Variants in LITAF observed in about 807,000 individuals in gnomAD.
LITAF encodes the protein lipopolysaccharide induced TNF factor.
LITAF carries 9 observed loss-of-function variants against 14.5 expected under a neutral mutation model. The ratio of observed to expected loss-of-function variants is 0.62; its 90% confidence interval spans 0.37 to 1.08. The LOEUF (loss-of-function observed/expected upper bound fraction) is 1.08. LITAF is among the 50% of genes least tolerant of loss of function. LITAF has a pLI of 0.01. For missense variants in LITAF, 206 were observed against 213.4 expected, an observed-to-expected ratio of 0.97 and a Z score of 0.22; for synonymous variants, 98 against 88.2, an observed-to-expected ratio of 1.11 and a Z score of -0.62.
At chr16:11,575,424 G>A (rs950916676) in intron 1 of LITAF, 4 of 152,302 alleles carry the variant, frequency 2.6e-5, no homozygotes, top group Non-Finnish European at 4.4e-5. Context: ...CGTGGGGCAG[G>A]TGAGTAGTGC....
Position 11,567,012 on chromosome 16 carries a change from CG to C in LITAF, c.-5-10278del, listed in dbSNP as rs1489879568. On this transcript the variant is annotated intron_variant, in intron 1 of 3. Coordinates refer to ENST00000622633, the MANE Select transcript of LITAF (RefSeq NM_001136472.2). Reference sequence around the variant, plus strand: ...CCAAATATGCTCAAGAACTGGAATCCGTGAATTGAGCCTGGAGTCCTTCATT... The same window carrying C: ...CCAAATATGCTCAAGAACTGGAATCCTGAATTGAGCCTGGAGTCCTTCATT... Among the ~76,000 whole-genome samples the C allele has an allele frequency of 8.5e-5, 13 of 152,168 alleles. No homozygotes were observed. In the South Asian group the frequency reaches 2.1e-3, roughly 24 times the overall value.
upstream of LITAF, among the ~76,000 whole-genome samples, chr16:11,638,044 A>ATATATC (rs2065148544): frequency 1.0e-5 from 1 of 95,258 alleles, no homozygotes; most frequent in South Asian, 3.0e-4. Context: ...ATATATATCT[A>ATATATC]TATATATATC....
intron 3 of LITAF, among the ~76,000 whole-genome samples, chr16:11,609,860 C>T (rs2064973442): frequency 6.6e-6 from 1 of 152,208 alleles, no homozygotes; most frequent in African/African-American, 2.4e-5. Flanking sequence ...ACCAGGCTTT[C>T]CTGGCCAGTG....
At chr16:11,587,433 ACT>A (rs565100167), upstream of LITAF, 913 of 451,060 alleles carry the variant, frequency 2.0e-3, 9 homozygotes, top group African/African-American at 0.017. Flanking sequence ...AGACCAAGAC[ACT>A]CTCTGTGCCT....
chr16:11,620,817 G>A (rs149417688), intron 3 of LITAF, among the ~76,000 whole-genome samples: 63 of 152,318 alleles, frequency 4.1e-4, no homozygotes, highest in African/African-American at 1.3e-3. Flanking sequence ...CAGGTGCAGC[G>A]GGCACTGTCA....
At chr16:11,613,207 T>G (rs1003833873) in intron 3 of LITAF, among the ~76,000 whole-genome samples, 1 of 151,888 alleles carries the variant, frequency 6.6e-6, no homozygotes, top group Non-Finnish European at 1.5e-5. Flanking sequence ...GCCTGGCTAG[T>G]TTTTGTATTT....
intron 3 of LITAF, among the ~76,000 whole-genome samples, chr16:11,630,162 G>C (rs887825821): frequency 3.3e-5 from 5 of 152,068 alleles, no homozygotes; most frequent in Admixed American, 6.6e-5. Context: ...GCGTTGGGGG[G>C]GCTCCAAACC....
chr16:11,630,251 G>A (rs2141905794), intron 3 of LITAF, among the ~76,000 whole-genome samples: 1 of 152,286 alleles, frequency 6.6e-6, no homozygotes, highest in East Asian at 1.9e-4. Flanking sequence ...CCCCCAGCTG[G>A]CATGACTGAT....
Position 11,553,600 on chromosome 16 carries a change from C to T in LITAF, c.310G>A (p.Val104Met), listed in dbSNP as rs373445989. 54 of 1,613,976 alleles carry T rather than the reference C, an allele frequency of 3.3e-5. No individual in the cohort carries two copies. Among genetic ancestry groups the T allele is most frequent in the Middle Eastern group, 3.3e-4 (2 of 6,084 alleles). ...MCCPSCNKMIVSQLSYNAGAL... is the reference protein window; with the variant it reads ...MCCPSCNKMIMSQLSYNAGAL... ...CCGGCGTTATAGGACAGCTGACTCACGATCATCTTGTTGCAGGAAGGACAA... is the reference window on the plus strand; with the variant it reads ...CCGGCGTTATAGGACAGCTGACTCATGATCATCTTGTTGCAGGAAGGACAA... Residue 104 changes from valine to methionine, a missense_variant, in exon 3 of 4, where the codon GTG (valine) becomes ATG (methionine). Physicochemically the swap from Val to Met is conservative, Grantham distance 21. Transcript: ENST00000622633. The surrounding 1 kb of genome is among the most constrained non-coding windows in gnomAD (Gnocchi z 7.7).
chr16:11,590,764 G>C (rs1404320037), upstream of LITAF, among the ~76,000 whole-genome samples: 2 of 117,428 alleles, frequency 1.7e-5, no homozygotes, highest in Non-Finnish European at 3.4e-5. Context: ...ATAGAGTCTC[G>C]TTCTGTTGCC....
rs2065129806 is a variant in LITAF, at chr16:11,634,259, T to C, written c.-20-622A>G. Among the ~76,000 whole-genome samples, 1 of 152,224 alleles carries C rather than the reference T, an allele frequency of 6.6e-6. No homozygotes were observed. Among genetic ancestry groups the C allele is most frequent in the African/African-American group, 2.4e-5 (1 of 41,452 alleles). On this transcript the variant is annotated intron_variant, in intron 2 of 3. Transcript: ENST00000574848. This position sits in a 1 kb window ranked among gnomAD's most constrained non-coding sequence, Gnocchi z 4.1. ...TTCACCTCCAAACTGCTCTTCATCA[T>C]TCCTGGACTTGGGCCAAACTAACTC...
At position 11,613,869 on chromosome 16, in the gene LITAF, G is replaced by A. The variant is rs143075200; in HGVS notation, c.85+19664C>T. Among the ~76,000 whole-genome samples the A allele has an allele frequency of 5.7e-3, 869 of 152,308 alleles. 11 individuals carry two copies. The highest frequency in any genetic ancestry group is 0.01 in the Middle Eastern group (3 of 294). On this transcript the variant is annotated intron_variant, in intron 3 of 3. Transcript: ENST00000574848. ...CCCTGCCACATGTTGTCAGATGACC[G>A]GGCGGGCCACTTCTCTCGCTGAATG...
In LITAF at chr16:11,553,874, T is replaced by A; in HGVS notation, c.221-185A>T. On this transcript the variant is annotated intron_variant, in intron 2 of 3. Transcript: ENST00000622633. The surrounding 1 kb of genome is among the most constrained non-coding windows in gnomAD (Gnocchi z 7.7). ...AAAGGGGAAGGAACACCAGTGTCCA[T>A]CGACGGACCAATAAACTAACACAGC... The A allele has an allele frequency of 1.6e-6, 1 of 626,436 alleles. No individual in the cohort carries two copies. The highest frequency in any genetic ancestry group is 2.9e-5 in the East Asian group (1 of 34,554). 38.8% of individuals were successfully genotyped at this position (626,436 alleles called of 1,614,324 possible). A position where few individuals can be genotyped will look rare whatever the true frequency, so the allele number is the denominator to read the frequency against.
upstream of LITAF, chr16:11,586,940 C>G (rs1276086562): frequency 6.6e-6 from 1 of 151,414 alleles, no homozygotes; most frequent in Non-Finnish European, 1.5e-5. The surrounding 1 kb of genome is among the most constrained non-coding windows in gnomAD (Gnocchi z 6.5). Flanking sequence ...CTCGGGCGCC[C>G]CGAGAAAAGG....
At chr16:11,581,073 C>CT (rs1357042714) in intron 1 of LITAF, among the ~76,000 whole-genome samples, 1 of 152,232 alleles carries the variant, frequency 6.6e-6, no homozygotes, top group East Asian at 1.9e-4. Flanking sequence ...CCGCTTATTC[C>CT]TTTTTCGTAG....
intron 3 of LITAF, among the ~76,000 whole-genome samples, chr16:11,627,721 G>C (rs1292120540): frequency 1.3e-5 from 2 of 152,208 alleles, no homozygotes; most frequent in African/African-American, 4.8e-5. Flanking sequence ...GTGCACGCCT[G>C]TAGCCCCAGC....
chr16:11,628,242 T>G (rs1162095318), intron 3 of LITAF, among the ~76,000 whole-genome samples: 1 of 152,086 alleles, frequency 6.6e-6, no homozygotes, highest in East Asian at 1.9e-4. Context: ...AGCCCTGAGG[T>G]TGGTGTGGCC....
Position 11,548,913 on chromosome 16 carries a change from A to G in LITAF, c.*724T>C, listed in dbSNP as rs1707827259. On this transcript the variant is annotated 3_prime_UTR_variant, in exon 4 of 4. Transcript: ENST00000622633. ...TACTCTATGAGAAAAAAATCCCTGT[A>G]TGGAAAGGGGCACTGAAGATCTGGC... is the stretch of plus-strand genomic sequence containing the variant. 2.2e-6 allele frequency: 1 copy of G among 454,068 alleles called. No homozygotes were observed. Among genetic ancestry groups the G allele is most frequent in the South Asian group, 1.6e-5 (1 of 64,474 alleles). 28.1% of individuals were successfully genotyped at this position (454,068 alleles called of 1,614,324 possible).
upstream of LITAF, among the ~76,000 whole-genome samples, chr16:11,638,098 A>ATC (rs1397124701): frequency 4.4e-5 from 6 of 135,448 alleles, no homozygotes; most frequent in African/African-American, 1.7e-4. Context: ...CTATCTATCT[A>ATC]TATATATATA....
Sources: gnomAD v4.1 joint callset for allele counts (sites outside exome capture counted in the v4.1 genomes callset) on GRCh38, gnomAD v4.1.1 for gene constraint, Gnocchi (gnomAD v3.1) non-coding constraint, MANE v1.5 for transcripts, NCBI Gene and HGNC (gene_info 2026-07-23, HGNC 2026-07-21) for gene names.